Variants in MGMT observed in about 807,000 individuals in gnomAD.
The protein encoded by MGMT is methylated-DNA--protein-cysteine methyltransferase.
Under a neutral mutation model 15.9 loss-of-function variants are expected in MGMT, and 14 were observed. The ratio of observed to expected loss-of-function variants is 0.88; its 90% CI spans 0.58 to 1.37. MGMT has a LOEUF of 1.37. Among genes scored for constraint, MGMT ranks in the 40% most tolerant of loss-of-function variants. The probability of loss-of-function intolerance (pLI) is 0.00; values close to 1 mark genes in which losing one functional copy is unlikely to be tolerated. For missense variants in MGMT, 282 were observed against 268.1 expected (o/e 1.05, Z -0.36); for synonymous variants, 130 against 118.2 (o/e 1.10, Z -0.65).
chr10:129,648,259 C>T (rs557083421), intron 2 of MGMT, among the ~76,000 whole-genome samples: 1 of 152,282 alleles, frequency 6.6e-6, no homozygotes, highest in African/African-American at 2.4e-5. Flanking sequence ...AATATTCTCA[C>T]ACAAATGAAT....
At position 129,467,671 on chromosome 10, in the gene MGMT, C is replaced by T. The variant is rs1261759521; in HGVS notation, c.-13+375C>T. Among the ~76,000 whole-genome samples, 4 of 152,238 alleles carry T rather than the reference C, an allele frequency of 2.6e-5. 1 individual carries two copies. The South Asian group carries it at 8.3e-4, about 31-fold the overall frequency. On this transcript the variant is annotated intron_variant, in intron 1 of 4. Transcript: ENST00000651593. ...CAGGAAGCTTCCAGAAGCCCCTGCG[C>T]GGGCCTTGGCTTGCAGCAACCCTTT...
At chr10:129,724,752 A>G (rs1257415791) in intron 3 of MGMT, among the ~76,000 whole-genome samples, 1 of 152,236 alleles carries the variant, frequency 6.6e-6, no homozygotes, top group East Asian at 1.9e-4. Flanking sequence ...CATCTGAGGT[A>G]TAAAGCTATT....
chr10:129,751,561 G>A (rs1344253575), intron 3 of MGMT, among the ~76,000 whole-genome samples: 1 of 151,490 alleles, frequency 6.6e-6, no homozygotes, highest in Non-Finnish European at 1.5e-5. Flanking sequence ...GTTGTTTTGA[G>A]TTTATTTTTC....
intron 1 of MGMT, among the ~76,000 whole-genome samples, chr10:129,513,401 A>G (rs1359192610): frequency 6.6e-6 from 1 of 152,224 alleles, no homozygotes. Flanking sequence ...TTTTGCCACA[A>G]TAAAAATATA....
chr10:129,616,908 A>G (rs1354156741), intron 2 of MGMT, among the ~76,000 whole-genome samples: 1 of 152,162 alleles, frequency 6.6e-6, no homozygotes, highest in Non-Finnish European at 1.5e-5. Context: ...TGACGAGCCC[A>G]GACTCTGAGC....
At chr10:129,553,836 G>T (rs192943242) in intron 2 of MGMT, among the ~76,000 whole-genome samples, 6 of 152,200 alleles carry the variant, frequency 3.9e-5, no homozygotes, top group African/African-American at 1.2e-4. Flanking sequence ...TCTGTCTCCC[G>T]CTGGAAAGGC....
chr10:129,610,604 A>G (rs1846948923), intron 2 of MGMT, among the ~76,000 whole-genome samples: 1 of 152,262 alleles, frequency 6.6e-6, no homozygotes, highest in Admixed American at 6.5e-5. Flanking sequence ...TTGGCCAACC[A>G]TGGCTCTCAG....
At chr10:129,743,944 C>T (rs1848665964) in intron 3 of MGMT, among the ~76,000 whole-genome samples, 1 of 152,222 alleles carries the variant, frequency 6.6e-6, no homozygotes, top group South Asian at 2.1e-4. Flanking sequence ...GGAGGCCCCG[C>T]AGCGCTCATG....
At chr10:129,521,332 G>T (rs1164426516) in intron 1 of MGMT, among the ~76,000 whole-genome samples, 1 of 152,124 alleles carries the variant, frequency 6.6e-6, no homozygotes, top group Non-Finnish European at 1.5e-5. Context: ...GTTCAGGGAA[G>T]CTCTGGATGC....
chr10:129,601,797 T>C (rs2133061704), intron 2 of MGMT, among the ~76,000 whole-genome samples: 1 of 152,318 alleles, frequency 6.6e-6, no homozygotes, highest in Non-Finnish European at 1.5e-5. Context: ...GAAGTGCTGG[T>C]GGGCGTGCAG....
chr10:129,683,281 G>C (rs1246785274), intron 2 of MGMT, among the ~76,000 whole-genome samples: 1 of 152,222 alleles, frequency 6.6e-6, no homozygotes, highest in African/African-American at 2.4e-5. Context: ...TTCTTGTAAT[G>C]AAAGTGAGCC....
At chr10:129,514,655 G>C (rs552087108) in intron 1 of MGMT, among the ~76,000 whole-genome samples, 6 of 110,102 alleles carry the variant, frequency 5.4e-5, no homozygotes, top group South Asian at 5.4e-4. Context: ...GGGGCCTTTG[G>C]GGGGAGATTA....
At chr10:129,673,375 G>A in intron 2 of MGMT, among the ~76,000 whole-genome samples, 1 of 152,068 alleles carries the variant, frequency 6.6e-6, no homozygotes, top group East Asian at 1.9e-4. Context: ...CTTCCTTTCT[G>A]AGACATGCAG....
chr10:129,551,803 G>A (rs964034627), intron 2 of MGMT, among the ~76,000 whole-genome samples: 2 of 152,150 alleles, frequency 1.3e-5, no homozygotes, highest in African/African-American at 4.8e-5. Context: ...CTTAGAGAAA[G>A]CCAGAGGGGT....
intron 1 of MGMT, among the ~76,000 whole-genome samples, chr10:129,497,707 C>T (rs1845536438): frequency 6.6e-6 from 1 of 152,186 alleles, no homozygotes; most frequent in Admixed American, 6.5e-5. Context: ...ACTCTACCCC[C>T]ATGGTGATGG....
In MGMT at chr10:129,487,721, A is replaced by G. The variant is rs957299845; in HGVS notation, c.-13+20425A>G. Among the ~76,000 whole-genome samples, 6 of 152,062 alleles carry G rather than the reference A, an allele frequency of 3.9e-5. No homozygotes were observed. The East Asian group carries it at 1.2e-3, about 29-fold the overall frequency. On this transcript the variant is annotated intron_variant, in intron 1 of 4. Transcript: ENST00000651593. ...TCTGGATTCTAATCCTTTGTCAGGT[A>G]TATTGGCTGCAATTTTCTTCTCCCA...
At chr10:129,731,694 C>A (rs1848499882) in intron 3 of MGMT, among the ~76,000 whole-genome samples, 1 of 152,112 alleles carries the variant, frequency 6.6e-6, no homozygotes, top group African/African-American at 2.4e-5. Flanking sequence ...ACGCCCTGCC[C>A]TGAGACTTTT....
chr10:129,555,401 G>A (rs1054832654), intron 2 of MGMT, among the ~76,000 whole-genome samples: 2 of 152,156 alleles, frequency 1.3e-5, no homozygotes, highest in African/African-American at 4.8e-5. Flanking sequence ...TAGCCCAGGG[G>A]GCACTCAAGA....
intron 4 of MGMT, among the ~76,000 whole-genome samples, chr10:129,765,483 C>T (rs1351085341): frequency 6.6e-6 from 1 of 152,220 alleles, no homozygotes; most frequent in Non-Finnish European, 1.5e-5. Context: ...CCTTGTCTTT[C>T]ACCTTTCTGA....
Sources: gnomAD v4.1 joint callset for allele counts (sites outside exome capture counted in the v4.1 genomes callset) on GRCh38, gnomAD v4.1.1 for gene constraint, MANE v1.5 for transcripts, NCBI Gene and HGNC (gene_info 2026-07-23, HGNC 2026-07-21) for gene names.